LRRK1: variants seen among roughly 807,000 people sequenced by gnomAD.
LRRK1 encodes the protein leucine-rich repeat serine/threonine-protein kinase 1.
A neutral mutation model predicts 209.1 loss-of-function variants in LRRK1; 113 were observed. That is an observed-to-expected ratio of 0.54 (90% CI 0.46 to 0.63). LRRK1 has a LOEUF of 0.63. Ranked by LOEUF, LRRK1 falls within the 30% of genes least tolerant of loss-of-function variation. The pLI, the probability that LRRK1 is intolerant of heterozygous loss-of-function variation, is 0.00. For missense variants in LRRK1, 2,284 were observed against 2,632.2 expected (o/e 0.87, Z 2.89); for synonymous variants, 1,144 against 1,099.7 (o/e 1.04, Z -0.80).
At chr15:100,936,553 A>G (rs923089383) in intron 2 of LRRK1, among the ~76,000 whole-genome samples, 1 of 152,250 alleles carries the variant, frequency 6.6e-6, no homozygotes, top group Non-Finnish European at 1.5e-5. Context: ...ACAAGAAGCT[A>G]TGCCAGGGCA....
intron 21 of LRRK1, 33 bp downstream of exon 21, chr15:101,046,185 G>A (rs552787648): frequency 1.2e-6 from 2 of 1,604,682 alleles, no homozygotes; most frequent in Non-Finnish European, 1.7e-6. Flanking sequence ...ATAGACAGAT[G>A]CCCGAGAGCC....
At chr15:101,033,995 A>T (rs1463080349) in intron 20 of LRRK1, among the ~76,000 whole-genome samples, 1 of 152,048 alleles carries the variant, frequency 6.6e-6, no homozygotes, top group Non-Finnish European at 1.5e-5. Flanking sequence ...TGTGGTTTTG[A>T]TTTGCATTTC....
intron 2 of LRRK1, among the ~76,000 whole-genome samples, chr15:100,973,322 G>T (rs7165431): frequency 0.69 from 105,472 of 152,130 alleles, 36,896 homozygotes; most frequent in Middle Eastern, 0.76. Flanking sequence ...GAGTGAGGGC[G>T]GCTGATTTAA....
intron 6 of LRRK1, among the ~76,000 whole-genome samples, chr15:100,994,650 G>A (rs532855899): frequency 6.6e-5 from 10 of 152,336 alleles, no homozygotes; most frequent in East Asian, 3.9e-4. Context: ...GCTCTGTTGC[G>A]TGGAATCAGA....
At chr15:101,039,361 C>T (rs574047809) in intron 20 of LRRK1, among the ~76,000 whole-genome samples, 30 of 152,184 alleles carry the variant, frequency 2.0e-4, no homozygotes, top group African/African-American at 2.4e-4. Flanking sequence ...TTATGTTCTC[C>T]GATATGGGTA....
At chr15:101,034,179 T>C (rs1164077223) in intron 20 of LRRK1, among the ~76,000 whole-genome samples, 1 of 152,202 alleles carries the variant, frequency 6.6e-6, no homozygotes, top group Admixed American at 6.5e-5. Flanking sequence ...GATGAATACT[T>C]TGCAAATATT....
At chr15:100,991,767 C>T (rs527619504) in intron 6 of LRRK1, among the ~76,000 whole-genome samples, 110 of 152,252 alleles carry the variant, frequency 7.2e-4, no homozygotes, top group African/African-American at 2.6e-3. Context: ...ATGACTCTAG[C>T]AGTTATATCT....
At chr15:100,996,688 G>T (rs892925968) in intron 6 of LRRK1, among the ~76,000 whole-genome samples, 18 of 152,338 alleles carry the variant, frequency 1.2e-4, no homozygotes, top group African/African-American at 3.8e-4. Flanking sequence ...AAAATGGGTA[G>T]CCAGGGTCAC....
At chr15:101,008,142 C>CAAAAAAA (rs796213769) in intron 6 of LRRK1, among the ~76,000 whole-genome samples, 1 of 74,156 alleles carries the variant, frequency 1.3e-5, no homozygotes, top group Admixed American at 1.9e-4. Flanking sequence ...GACTCCATCT[C>CAAAAAAA]AAAAAAAAAA....
At position 101,068,889 on chromosome 15, in the gene LRRK1, C is replaced by G; in HGVS notation, c.*41C>G. 6.5e-7 allele frequency: 1 copy of G among 1,536,264 alleles called. No homozygotes were observed. Among genetic ancestry groups the G allele is most frequent in the Non-Finnish European group, 8.8e-7 (1 of 1,137,248 alleles). The stretch of plus-strand genomic sequence containing the variant: ...TGTCACACATCAGAGCTGGCTGGCC[C>G]GGGGCTGCAGCCTGACCCCTCTGCC... On this transcript the variant is annotated 3_prime_UTR_variant, in exon 34 of 34. Transcript: ENST00000388948.
chr15:100,927,191 C>T (rs1215642448), intron 2 of LRRK1, among the ~76,000 whole-genome samples: 3 of 152,172 alleles, frequency 2.0e-5, no homozygotes, highest in African/African-American at 7.2e-5. Context: ...CCCAGGGATC[C>T]CCCGTTGATT....
chr15:101,010,297 A>G (rs141294525), intron 7 of LRRK1, among the ~76,000 whole-genome samples, 153 bp from the exon 8 acceptor site: 2 of 152,348 alleles, frequency 1.3e-5, no homozygotes, highest in East Asian at 3.9e-4. Flanking sequence ...AAAAGAATTA[A>G]AAATCATATG....
intron 4 of LRRK1, among the ~76,000 whole-genome samples, chr15:100,988,333 G>A (rs1158909601): frequency 6.6e-6 from 1 of 151,938 alleles, no homozygotes; most frequent in Admixed American, 6.6e-5. Flanking sequence ...AGTGTCTATT[G>A]TTCCCTTCTT....
chr15:100,968,141 TTCAC>T (rs1290441899), intron 2 of LRRK1, among the ~76,000 whole-genome samples: 1 of 152,230 alleles, frequency 6.6e-6, no homozygotes, highest in Non-Finnish European at 1.5e-5. Context: ...CAAGGTTTCT[TTCAC>T]TCAGCATTAT....
intron 2 of LRRK1, among the ~76,000 whole-genome samples, chr15:100,961,139 G>T (rs1460180500): frequency 6.6e-6 from 1 of 152,206 alleles, no homozygotes; most frequent in Non-Finnish European, 1.5e-5. Context: ...GGTGGGGACT[G>T]GCTGCAGAGT....
At chr15:100,993,586 C>T (rs183860343) in intron 6 of LRRK1, among the ~76,000 whole-genome samples, 1 of 152,288 alleles carries the variant, frequency 6.6e-6, no homozygotes, top group East Asian at 1.9e-4. Flanking sequence ...TTCACGTGTC[C>T]ACTTTGCCCT....
Position 101,065,564 on chromosome 15 carries a change from T to A in LRRK1, c.5127T>A (p.Asn1709Lys). ...GCGGCTCTGAGGTCTGGTACAGCAA[T>A]GGGCCGGGCCTCCTTGTCATCGACT... ...VNSGSEVWYS[N>K]GPGLLVIDCA... is the part of the protein sequence containing the mutation. The change falls in exon 32 of 34, where the codon AAT becomes AAA. Residue 1709 changes from asparagine to lysine, a missense_variant. Around this residue, in one of 6 missense-constraint regions of LRRK1, gnomAD observed 643 missense variants for 695.9 expected, o/e 0.92. Transcript: ENST00000388948. 1 of 1,614,184 alleles carries A rather than the reference T, an allele frequency of 6.2e-7. No homozygotes were observed. Among genetic ancestry groups the A allele is most frequent in the African/African-American group, 1.3e-5 (1 of 75,064 alleles).
intron 6 of LRRK1, among the ~76,000 whole-genome samples, chr15:100,993,098 A>G (rs1408195723): frequency 6.6e-6 from 1 of 152,226 alleles, no homozygotes; most frequent in East Asian, 1.9e-4. Context: ...TAATGGGAAA[A>G]GCAATAAAAT....
chr15:101,067,209 TCAGTA>T (rs1444906087), intron 33 of LRRK1: 1 of 455,586 alleles, frequency 2.2e-6, no homozygotes, highest in Admixed American at 2.4e-5. Flanking sequence ...GAGACATAGC[TCAGTA>T]CCTGTCTGTG....
Sources: allele counts gnomAD v4.1 joint callset (sites outside exome capture counted in the v4.1 genomes callset), GRCh38; gene constraint gnomAD v4.1.1; regional missense constraint gnomAD v4.1.1; transcripts MANE v1.5; gene names NCBI Gene and HGNC (gene_info 2026-07-23, HGNC 2026-07-21).